Variants in AMOTL1 observed in about 807,000 individuals in gnomAD.
AMOTL1 encodes angiomotin like 1.
Under a neutral mutation model 102.9 loss-of-function variants are expected in AMOTL1, and 45 were observed. The observed-to-expected ratio is 0.44, with a 90% CI of 0.34 to 0.56. AMOTL1 has a LOEUF of 0.56. Among genes scored for constraint, AMOTL1 ranks in the 20% least tolerant of loss-of-function variants. The probability of loss-of-function intolerance (pLI) is 0.01; values close to 1 mark genes in which losing one functional copy is unlikely to be tolerated. For synonymous variants in AMOTL1, 481 were observed against 484.7 expected (o/e 0.99, Z 0.10); for missense variants, 1,114 against 1,225.6 (o/e 0.91, Z 1.36).
chr11:94,774,918 C>T (rs970617922), intron 1 of AMOTL1, among the ~76,000 whole-genome samples: 10 of 152,170 alleles, frequency 6.6e-5, no homozygotes, highest in African/African-American at 2.2e-4. Context: ...AATCACTCTT[C>T]TTTTGTGCCT....
chr11:94,831,855 C>G (rs1049927363), intron 6 of AMOTL1, among the ~76,000 whole-genome samples: 8 of 152,148 alleles, frequency 5.3e-5, no homozygotes, highest in Non-Finnish European at 1.0e-4. Context: ...AAGTTACAAC[C>G]CTTTTTCTCC....
chr11:94,753,521 T>C (rs1423237743), intron 3 of AMOTL1, among the ~76,000 whole-genome samples: 1 of 152,216 alleles, frequency 6.6e-6, no homozygotes, highest in East Asian at 1.9e-4. Flanking sequence ...TGTTAGATTA[T>C]AACATTATGT....
chr11:94,755,300 T>G (rs984315758), intron 3 of AMOTL1, among the ~76,000 whole-genome samples: 2 of 152,196 alleles, frequency 1.3e-5, no homozygotes, highest in Non-Finnish European at 2.9e-5. Context: ...TCTTCCATTC[T>G]TTCTTTTAGC....
At chr11:94,854,380 G>A (rs1188023956) in intron 8 of AMOTL1, among the ~76,000 whole-genome samples, 1 of 152,154 alleles carries the variant, frequency 6.6e-6, no homozygotes, top group Non-Finnish European at 1.5e-5. Context: ...TGACAGATGA[G>A]TTTTTGGGCA....
chr11:94,819,191 G>C (rs1440545477), intron 3 of AMOTL1, among the ~76,000 whole-genome samples: 1 of 152,168 alleles, frequency 6.6e-6, no homozygotes, highest in African/African-American at 2.4e-5. Flanking sequence ...TTGGAAAGAT[G>C]TGAAAGCAAA....
intron 1 of AMOTL1, among the ~76,000 whole-genome samples, chr11:94,784,777 T>C (rs1396157046): frequency 6.6e-6 from 1 of 152,206 alleles, no homozygotes; most frequent in African/African-American, 2.4e-5. Context: ...CAAACCTGAC[T>C]GCATTCAAAT....
At chr11:94,807,012 G>A (rs1266006626) in intron 3 of AMOTL1, among the ~76,000 whole-genome samples, 1 of 152,116 alleles carries the variant, frequency 6.6e-6, no homozygotes, top group Admixed American at 6.5e-5. Flanking sequence ...AAATGTTACA[G>A]CTGATTTTTT....
intron 1 of AMOTL1, chr11:94,728,894 C>CT: frequency 1.8e-6 from 2 of 1,108,402 alleles, no homozygotes; most frequent in Non-Finnish European, 2.4e-6. Flanking sequence ...ATTCAAATCC[C>CT]TTTTTTATAT....
chr11:94,729,891 T>A (rs1033264889), intron 2 of AMOTL1, among the ~76,000 whole-genome samples: 1 of 152,202 alleles, frequency 6.6e-6, no homozygotes, highest in Non-Finnish European at 1.5e-5. Context: ...GACTATACTC[T>A]CTGATGTGCC....
intron 1 of AMOTL1, among the ~76,000 whole-genome samples, chr11:94,727,116 G>A (rs77788592): frequency 0.025 from 3,818 of 152,176 alleles, 91 homozygotes; most frequent in East Asian, 0.1. Context: ...AGAGAGATGG[G>A]AATCTTCTTT....
intron 3 of AMOTL1, among the ~76,000 whole-genome samples, chr11:94,762,636 A>G (rs566654473): frequency 1.3e-5 from 2 of 151,994 alleles, no homozygotes; most frequent in South Asian, 4.2e-4. Flanking sequence ...TCGAATATCT[A>G]CTCCATGTCG....
At position 94,873,920 on chromosome 11, in the gene AMOTL1, C is replaced by T. The variant is rs1036731770; in HGVS notation, c.*3125C>T. 2.0e-5 allele frequency: 3 copies of T among 152,252 alleles called. No homozygotes were observed. The highest frequency in any genetic ancestry group is 7.2e-5 in the African/African-American group (3 of 41,472). 9.4% of individuals were successfully genotyped at this position (152,252 alleles called of 1,614,324 possible). A position where few individuals can be genotyped will look rare whatever the true frequency, so the allele number is the denominator to read the frequency against. On this transcript the variant is annotated 3_prime_UTR_variant, in exon 13 of 13. Coordinates refer to ENST00000433060, the MANE Select transcript of AMOTL1 (RefSeq NM_130847.3). ...AAATTATTGTGTTCCACCAGAAGCACAGCTCCAAACTATACCTAAAAAATA... is the reference window on the plus strand; with the variant it reads ...AAATTATTGTGTTCCACCAGAAGCATAGCTCCAAACTATACCTAAAAAATA...
intron 9 of AMOTL1, 104 bp downstream of exon 9, chr11:94,859,819 A>T: frequency 8.0e-7 from 1 of 1,250,202 alleles, no homozygotes; most frequent in Non-Finnish European, 1.0e-6. Context: ...TAGGGAGTGA[A>T]GTCAGCTAAA....
Position 94,768,532 on chromosome 11 carries a change from C to T in AMOTL1, c.21C>T (p.Arg7=), listed in dbSNP as rs1443188596. 1 of 1,602,100 alleles carries T rather than the reference C, an allele frequency of 6.2e-7. No individual in the cohort carries two copies. Among genetic ancestry groups the T allele is most frequent in the Non-Finnish European group, 8.5e-7 (1 of 1,174,810 alleles). Reference sequence around the variant, plus strand: ...GCCTCATGTGGAGGGCAAAGTTGCGCCGGGGAACTTGTGAGCCTGCGGTGA... The same window carrying T: ...GCCTCATGTGGAGGGCAAAGTTGCGTCGGGGAACTTGTGAGCCTGCGGTGA... MWRAKL[R]RGTCEPAVKG... Residue 7 remains arginine, a synonymous_variant, in exon 1 of 13, where the codon CGC becomes CGT. Transcript: ENST00000433060.
At chr11:94,768,756 G>A (rs1007801249) in intron 1 of AMOTL1, among the ~76,000 whole-genome samples, 196 bp downstream of exon 1, 24 of 152,130 alleles carry the variant, frequency 1.6e-4, no homozygotes, top group Non-Finnish European at 2.8e-4. Context: ...CTGCGGGCCG[G>A]GCCTCAGCGT....
intron 4 of AMOTL1, among the ~76,000 whole-genome samples, chr11:94,827,050 A>G (rs1951980932): frequency 6.6e-6 from 1 of 152,194 alleles, no homozygotes; most frequent in Non-Finnish European, 1.5e-5. Flanking sequence ...TTCAGTGTCC[A>G]AGTCTGTCTT....
At chr11:94,720,539 C>G (rs1950159719) in intron 1 of AMOTL1, among the ~76,000 whole-genome samples, 1 of 152,090 alleles carries the variant, frequency 6.6e-6, no homozygotes. Flanking sequence ...GGAGCTATTC[C>G]AAGCCACATA....
chr11:94,741,934 T>C (rs1950533254), intron 3 of AMOTL1, among the ~76,000 whole-genome samples: 1 of 152,208 alleles, frequency 6.6e-6, no homozygotes, highest in African/African-American at 2.4e-5. Context: ...CACACTCAGC[T>C]GTGGCACCCT....
At chr11:94,818,694 C>G (rs1000608755) in intron 3 of AMOTL1, among the ~76,000 whole-genome samples, 1 of 152,130 alleles carries the variant, frequency 6.6e-6, no homozygotes, top group Non-Finnish European at 1.5e-5. Flanking sequence ...TTATTATTTT[C>G]TATAGTTTGG....
Sources: gnomAD v4.1 joint callset for allele counts (sites outside exome capture counted in the v4.1 genomes callset) on GRCh38, gnomAD v4.1.1 for gene constraint, MANE v1.5 for transcripts, NCBI Gene and HGNC (gene_info 2026-07-23, HGNC 2026-07-21) for gene names.